Variants in SEPTIN9 observed in about 807,000 individuals in gnomAD.
The protein encoded by SEPTIN9 is septin 9.
Under a neutral mutation model 56.6 loss-of-function variants are expected in SEPTIN9, and 13 were observed. That is an observed-to-expected ratio of 0.23 (90% CI 0.15 to 0.37). SEPTIN9 has a LOEUF of 0.37. Ranked by LOEUF, SEPTIN9 falls within the 10% of genes least tolerant of loss-of-function variation. The pLI, the probability that SEPTIN9 is intolerant of heterozygous loss-of-function variation, is 1.00. For missense variants in SEPTIN9, 650 were observed against 823.1 expected (o/e 0.79, Z 2.57); for synonymous variants, 332 against 334.1 (o/e 0.99, Z 0.07).
chr17:77,369,707 C>T lies in SEPTIN9; in HGVS notation c.77-32352C>T, dbSNP rs1464120735. On this transcript the variant is annotated intron_variant, in intron 2 of 11. Transcript: ENST00000427177. This position sits in a 1 kb window ranked among gnomAD's most constrained non-coding sequence, Gnocchi z 4.9. Reference sequence around the variant, plus strand: ...CAGCCTGCCACCTAATGGGGTGTCCCGTCTGGAGCCTCAGTGTTGCTGGGA... The same window carrying T: ...CAGCCTGCCACCTAATGGGGTGTCCTGTCTGGAGCCTCAGTGTTGCTGGGA... Among the ~76,000 whole-genome samples, 2 of 152,210 alleles carry T rather than the reference C, an allele frequency of 1.3e-5. No individual in the cohort carries two copies. The highest frequency in any genetic ancestry group is 6.5e-5 in the Admixed American group (1 of 15,280).
At chr17:77,315,107 G>A (rs2032648549) in intron 2 of SEPTIN9, among the ~76,000 whole-genome samples, 1 of 152,208 alleles carries the variant, frequency 6.6e-6, no homozygotes, top group Admixed American at 6.5e-5. Flanking sequence ...TCCATGAAGA[G>A]GAAAATCTCT....
In SEPTIN9 at chr17:77,499,231, CG is replaced by C. The variant is rs767210777; in HGVS notation, c.*574del. ...AGAAAACTCCAGGGTCCCCTGCCAC[CG>C]ACTGCCCAGCCACTCCAAGCCCCCT... On this transcript the variant is annotated 3_prime_UTR_variant, in exon 12 of 12. Transcript: ENST00000427177. 6.3e-5 allele frequency: 37 copies of C among 584,808 alleles called. No homozygotes were observed. Among genetic ancestry groups the C allele is most frequent in the South Asian group, 5.2e-4 (36 of 69,748 alleles). The allele number at this position is 584,808 out of a possible 1,614,324, so 36.2% of individuals were successfully genotyped here.
intron 1 of SEPTIN9, among the ~76,000 whole-genome samples, chr17:77,304,209 G>T (rs1389896592): frequency 2.0e-5 from 3 of 152,212 alleles, no homozygotes; most frequent in African/African-American, 7.2e-5. Flanking sequence ...CAGCGGCTGC[G>T]CTGAGCCTGG....
intron 2 of SEPTIN9, among the ~76,000 whole-genome samples, chr17:77,387,396 T>C (rs892825040): frequency 6.6e-6 from 1 of 152,234 alleles, no homozygotes; most frequent in African/African-American, 2.4e-5. Context: ...CCTCTTGAGA[T>C]CCTTTATTGC....
chr17:77,465,882 G>A (rs556993046), intron 3 of SEPTIN9, among the ~76,000 whole-genome samples: 3 of 152,186 alleles, frequency 2.0e-5, no homozygotes, highest in African/African-American at 7.2e-5. Context: ...CTGGGCTGAG[G>A]CTGGGGGAAG....
intron 3 of SEPTIN9, among the ~76,000 whole-genome samples, chr17:77,455,045 TTTC>T (rs1246024368): frequency 6.6e-6 from 1 of 151,090 alleles, no homozygotes. Context: ...ATTGGCTCTC[TTTC>T]TTTTTTTTTT....
intron 2 of SEPTIN9, among the ~76,000 whole-genome samples, chr17:77,336,622 A>G (rs1423164668): frequency 1.3e-5 from 2 of 152,180 alleles, no homozygotes; most frequent in East Asian, 1.9e-4. Flanking sequence ...GATCTTTTCC[A>G]AAGTCATTTA....
intron 1 of SEPTIN9, among the ~76,000 whole-genome samples, chr17:77,286,039 G>T (rs946762084): frequency 6.6e-6 from 1 of 152,218 alleles, no homozygotes. Context: ...GCCTGTTCTC[G>T]CTGCCTCTTG....
intron 5 of SEPTIN9, 136 bp from the exon 6 acceptor site, chr17:77,488,104 G>A: frequency 1.3e-6 from 1 of 754,160 alleles, no homozygotes; most frequent in South Asian, 1.5e-5. Flanking sequence ...GTTGGCTGAG[G>A]AAGGCCATTA....
intron 8 of SEPTIN9, 49 bp downstream of exon 8, chr17:77,490,908 C>A: frequency 7.1e-7 from 1 of 1,402,206 alleles, no homozygotes; most frequent in Non-Finnish European, 9.9e-7. Flanking sequence ...AACCTGGAGA[C>A]GCTGCAGGCC....
At chr17:77,493,970 G>T (rs1158868923) in intron 10 of SEPTIN9, among the ~76,000 whole-genome samples, 3 of 151,914 alleles carry the variant, frequency 2.0e-5, no homozygotes, top group Non-Finnish European at 4.4e-5. Flanking sequence ...ACAGGATTTC[G>T]CCATGTTGGC....
chr17:77,365,678 C>T (rs900794228), intron 2 of SEPTIN9, among the ~76,000 whole-genome samples: 5 of 152,130 alleles, frequency 3.3e-5, no homozygotes, highest in East Asian at 1.9e-4. Context: ...CTGCCCTTCC[C>T]GGGTTGCCAG....
intron 3 of SEPTIN9, among the ~76,000 whole-genome samples, chr17:77,474,209 G>A (rs771387798): frequency 2.0e-5 from 3 of 152,128 alleles, no homozygotes; most frequent in Non-Finnish European, 1.5e-5. Flanking sequence ...ATCTACCTGG[G>A]AGCTTTGGCA....
At position 77,451,625 on chromosome 17, in the gene SEPTIN9, C is replaced by A; in HGVS notation, c.722-30519C>A. On this transcript the variant is annotated intron_variant, in intron 3 of 11. Transcript: ENST00000427177. This position sits in a 1 kb window ranked among gnomAD's most constrained non-coding sequence, Gnocchi z 4.2. ...AGGCGGACCCTGATGGCCATGGTGG[C>A]GGTGCCGGGAGCCACGCTGTCCCTG... 1.1e-6 allele frequency: 1 copy of A among 904,490 alleles called. No homozygotes were observed. Among genetic ancestry groups the A allele is most frequent in the Non-Finnish European group, 1.3e-6 (1 of 755,938 alleles). The allele number at this position is 904,490 out of a possible 1,614,324, so 56.0% of individuals were successfully genotyped here.
intron 2 of SEPTIN9, among the ~76,000 whole-genome samples, chr17:77,340,494 G>A (rs2033694058): frequency 6.6e-6 from 1 of 152,160 alleles, no homozygotes; most frequent in Non-Finnish European, 1.5e-5. Context: ...GTGCTGTCAA[G>A]TAGGGCCTGT....
intron 2 of SEPTIN9, among the ~76,000 whole-genome samples, chr17:77,346,581 T>C (rs1474640805): frequency 6.6e-6 from 1 of 152,132 alleles, no homozygotes; most frequent in Non-Finnish European, 1.5e-5. Context: ...TTGAGACTTA[T>C]GGCCCAGAAT....
intron 3 of SEPTIN9, 193 bp from the exon 4 acceptor site, chr17:77,481,951 G>C: frequency 1.6e-6 from 1 of 606,892 alleles, no homozygotes; most frequent in Non-Finnish European, 2.9e-6. Context: ...CAGGATGGCA[G>C]CTTTTTAGAG....
At chr17:77,353,701 C>T (rs1379542639) in intron 2 of SEPTIN9, among the ~76,000 whole-genome samples, 3 of 152,170 alleles carry the variant, frequency 2.0e-5, no homozygotes, top group Non-Finnish European at 4.4e-5. Flanking sequence ...GAGCAGGCTC[C>T]ATTCTTTTTG....
intron 3 of SEPTIN9, chr17:77,428,932 T>C (rs1241306218): frequency 9.1e-6 from 4 of 440,646 alleles, no homozygotes; most frequent in East Asian, 7.2e-5. Flanking sequence ...TTTAATGATA[T>C]AATGTAAGAA....
Sources: allele counts gnomAD v4.1 joint callset (sites outside exome capture counted in the v4.1 genomes callset), GRCh38; gene constraint gnomAD v4.1.1; non-coding constraint Gnocchi (gnomAD v3.1); transcripts MANE v1.5; gene names NCBI Gene and HGNC (gene_info 2026-07-23, HGNC 2026-07-21).